Variants in UGT2B17 observed in about 807,000 individuals in gnomAD.
UGT2B17 encodes the protein UDP-glucuronosyltransferase 2B17.
UGT2B17 carries 21 observed loss-of-function variants against 48.2 expected under a neutral mutation model. The observed-to-expected ratio is 0.44, with a 90% CI of 0.31 to 0.63. The LOEUF (loss-of-function observed/expected upper bound fraction) is 0.63. UGT2B17 is among the 20% of genes least tolerant of loss of function. The pLI is 0.08. For missense variants in UGT2B17, 402 were observed against 696.1 expected, an observed-to-expected ratio of 0.58 and a Z score of 4.75; for synonymous variants, 146 against 238.4, an observed-to-expected ratio of 0.61 and a Z score of 3.57.
rs1354605341 is a variant in UGT2B17 at position 68,555,417 on chromosome 4, T to C, written c.1006-3506A>G. ...TCTAGTCCACAGGCATTAAGCTTTGTTTTGGGAAAAGACTGTTATCATTTT... is the reference window on the plus strand; with the variant it reads ...TCTAGTCCACAGGCATTAAGCTTTGCTTTGGGAAAAGACTGTTATCATTTT... On this transcript the variant is annotated intron_variant, in intron 4 of 6. Transcript: ENST00000317746. Among the ~76,000 whole-genome samples the C allele has an allele frequency of 7.1e-5, 9 of 126,578 alleles. 1 individual carries two copies. The highest frequency in any genetic ancestry group is 1.2e-4 in the Non-Finnish European group (7 of 59,518). The allele number at this position is 126,578 out of a possible 152,430, so 83.0% of individuals were successfully genotyped here.
At position 68,553,701 on chromosome 4, in the gene UGT2B17, T is replaced by C. The variant is rs1313328169; in HGVS notation, c.1006-1790A>G. The stretch of plus-strand genomic sequence containing the variant: ...TTACTGGAAGTAGTATTGACTGTTG[T>C]TATTTTTTTCCTCCTAGGAAGTTGT... On this transcript the variant is annotated intron_variant, in intron 4 of 6. Coordinates refer to ENST00000317746, the MANE Select transcript of UGT2B17 (RefSeq NM_001077.4). 1.0e-4 allele frequency among the ~76,000 whole-genome samples: 13 copies of C among 125,484 alleles called. 3 individuals are homozygous for C. The highest frequency in any genetic ancestry group is 2.5e-4 in the Admixed American group (3 of 12,138). 82.3% of individuals were successfully genotyped at this position (125,484 alleles called of 152,430 possible).
chr4:68,546,747 T>C lies in UGT2B17; in HGVS notation c.1313+3930A>G, dbSNP rs28861779. Reference sequence around the variant, plus strand: ...GCAAAGTCTCAGGATAAAAAATCAATGTGCAAAAATCACAAGCATTCTTAT... The same window carrying C: ...GCAAAGTCTCAGGATAAAAAATCAACGTGCAAAAATCACAAGCATTCTTAT... On this transcript the variant is annotated intron_variant, in intron 6 of 6. Coordinates refer to ENST00000317746, the MANE Select transcript of UGT2B17 (RefSeq NM_001077.4). Among the ~76,000 whole-genome samples, 2 of 125,434 alleles carry C rather than the reference T, an allele frequency of 1.6e-5. 1 individual carries two copies. The allele number at this position is 125,434 out of a possible 152,430, so 82.3% of individuals were successfully genotyped here.
At chr4:68,561,950 A>G (rs937007113) in intron 3 of UGT2B17, among the ~76,000 whole-genome samples, 3 of 123,272 alleles carry the variant, frequency 2.4e-5, no homozygotes, top group African/African-American at 5.5e-5. Flanking sequence ...AACCCCTTCT[A>G]TCATAACAAA....
At chr4:68,558,318 C>T (rs568280358) in intron 4 of UGT2B17, among the ~76,000 whole-genome samples, 3,035 of 123,982 alleles carry the variant, frequency 0.024, 771 homozygotes, top group South Asian at 0.066. Flanking sequence ...TTTTTCATGG[C>T]TACACGTCTT....
intron 1 of UGT2B17, among the ~76,000 whole-genome samples, chr4:68,571,176 AG>A (rs1307265043): frequency 1.6e-5 from 2 of 125,310 alleles, no homozygotes; most frequent in African/African-American, 5.5e-5. Flanking sequence ...GCGGGTCCAT[AG>A]TATTGTATGA....
rs1400843836 is a variant in UGT2B17 at position 68,546,166 on chromosome 4, A to G, written c.1313+4511T>C. On this transcript the variant is annotated intron_variant, in intron 6 of 6. Transcript: ENST00000317746. ...AATATCCCTGATGAACATCGATGCA[A>G]AAATCCTCAATAAAATACTGGCAAA... Among the ~76,000 whole-genome samples the G allele has an allele frequency of 3.2e-5, 4 of 126,314 alleles. 1 individual carries two copies. The highest frequency in any genetic ancestry group is 6.7e-5 in the Non-Finnish European group (4 of 59,626). The allele number at this position is 126,314 out of a possible 152,430, so 82.9% of individuals were successfully genotyped here.
rs1341012731 is a variant in UGT2B17, at chr4:68,564,292, A to ATT, written c.873+1279_873+1280insAA. ...AAATTTCATATATATATATATATAT[A>ATT]TATTTTTTTTTTTTGAGACAGAGTC... On this transcript the variant is annotated intron_variant, in intron 3 of 6. Coordinates refer to ENST00000317746, the MANE Select transcript of UGT2B17 (RefSeq NM_001077.4). Among the ~76,000 whole-genome samples the ATT allele has an allele frequency of 9.7e-4, 82 of 84,956 alleles. 9 individuals are homozygous for ATT. The highest frequency in any genetic ancestry group is 4.2e-3 in the African/African-American group (72 of 17,226). The allele number at this position is 84,956 out of a possible 152,430, so 55.7% of individuals were successfully genotyped here. A position where few individuals can be genotyped will look rare whatever the true frequency, so the allele number is the denominator to read the frequency against.
In UGT2B17 at chr4:68,546,175, A is replaced by G. The variant is rs1419193433; in HGVS notation, c.1313+4502T>C. 1.6e-5 allele frequency among the ~76,000 whole-genome samples: 2 copies of G among 126,282 alleles called. 1 individual carries two copies. The highest frequency in any genetic ancestry group is 3.4e-5 in the Non-Finnish European group (2 of 59,632). The allele number at this position is 126,282 out of a possible 152,430, so 82.8% of individuals were successfully genotyped here. On this transcript the variant is annotated intron_variant, in intron 6 of 6. Transcript: ENST00000317746. ...GATGAACATCGATGCAAAAATCCTC[A>G]ATAAAATACTGGCAAACTGAATCCA...
chr4:68,562,642 A>G (rs1731125291), intron 3 of UGT2B17, among the ~76,000 whole-genome samples: 1 of 126,468 alleles, frequency 7.9e-6, no homozygotes, highest in Non-Finnish European at 1.7e-5. Flanking sequence ...CGTCTTTATG[A>G]AAGCAATGGT....
chr4:68,573,124 A>G (rs1325410681), intron 1 of UGT2B17, among the ~76,000 whole-genome samples: 1 of 127,482 alleles, frequency 7.8e-6, no homozygotes, highest in Non-Finnish European at 1.7e-5. Flanking sequence ...CTTTATGTTT[A>G]GGTTTTTCCT....
chr4:68,537,398 A>T lies in UGT2B17; in HGVS notation c.*227T>A, dbSNP rs1400609420. ...GAATAATAAATTTCAATATAAGCCCATAAGGTTTTATATTATTATTTTTCA... is the reference window on the plus strand; with the variant it reads ...GAATAATAAATTTCAATATAAGCCCTTAAGGTTTTATATTATTATTTTTCA... On this transcript the variant is annotated 3_prime_UTR_variant, in exon 7 of 7. Transcript: ENST00000317746. 3.0e-6 allele frequency: 1 copy of T among 333,318 alleles called. No homozygotes were observed. Among genetic ancestry groups the T allele is most frequent in the Non-Finnish European group, 4.5e-6 (1 of 220,260 alleles). The allele number at this position is 333,318 out of a possible 1,614,324, so 20.6% of individuals were successfully genotyped here.
At chr4:68,546,806 T>C (rs1578165380) in intron 6 of UGT2B17, among the ~76,000 whole-genome samples, 2 of 124,384 alleles carry the variant, frequency 1.6e-5, no homozygotes, top group African/African-American at 5.5e-5. Context: ...AGCCAAATCA[T>C]GAGTGAACTC....
At chr4:68,570,070 C>A (rs569501516) in intron 1 of UGT2B17, among the ~76,000 whole-genome samples, 1 of 126,640 alleles carries the variant, frequency 7.9e-6, no homozygotes, top group African/African-American at 2.7e-5. Flanking sequence ...CCTCTCTGTG[C>A]ATGTGTAGCA....
intron 4 of UGT2B17, among the ~76,000 whole-genome samples, chr4:68,556,572 A>C (rs1307514893): frequency 7.9e-6 from 1 of 126,050 alleles, no homozygotes; most frequent in Non-Finnish European, 1.7e-5. Context: ...AAGACACACT[A>C]ATGCAAGACC....
At chr4:68,569,420 C>G (rs1333857992) in intron 1 of UGT2B17, among the ~76,000 whole-genome samples, 1 of 124,806 alleles carries the variant, frequency 8.0e-6, no homozygotes, top group Non-Finnish European at 1.7e-5. Context: ...AGAACCAAGC[C>G]AAGCAAAATA....
chr4:68,564,440 C>A lies in UGT2B17; in HGVS notation c.873+1132G>T, dbSNP rs1172000491. Among the ~76,000 whole-genome samples the A allele has an allele frequency of 1.7e-5, 2 of 120,322 alleles. 1 individual carries two copies. The highest frequency in any genetic ancestry group is 1.6e-3 in the East Asian group (2 of 1,220). The allele number at this position is 120,322 out of a possible 152,430, so 78.9% of individuals were successfully genotyped here. A position where few individuals can be genotyped will look rare whatever the true frequency, so the allele number is the denominator to read the frequency against. ...AGTAGCTGCTATTAGAGGTGCCTGCCAACATGCCTGACTAATTTTTGTATT... is the reference window on the plus strand; with the variant it reads ...AGTAGCTGCTATTAGAGGTGCCTGCAAACATGCCTGACTAATTTTTGTATT... On this transcript the variant is annotated intron_variant, in intron 3 of 6. Transcript: ENST00000317746.
In UGT2B17 at chr4:68,553,486, G is replaced by C. The variant is rs1287775830; in HGVS notation, c.1006-1575C>G. On this transcript the variant is annotated intron_variant, in intron 4 of 6. Transcript: ENST00000317746. ...CCACTCACCCCTTTGGGGGTGCTCT[G>C]TTTTCTTTGTGGAGTTTCAAGAGTT... 1.6e-5 allele frequency among the ~76,000 whole-genome samples: 2 copies of C among 126,214 alleles called. 1 individual carries two copies. The highest frequency in any genetic ancestry group is 3.4e-5 in the Non-Finnish European group (2 of 59,420). 82.8% of individuals were successfully genotyped at this position (126,214 alleles called of 152,430 possible). A position where few individuals can be genotyped will look rare whatever the true frequency, so the allele number is the denominator to read the frequency against.
chr4:68,567,693 T>G lies in UGT2B17; in HGVS notation c.724+68A>C. The G allele has an allele frequency of 1.9e-6, 2 of 1,081,016 alleles. 1 individual carries two copies. The highest frequency in any genetic ancestry group is 2.4e-6 in the Non-Finnish European group (2 of 830,016). 67.0% of individuals were successfully genotyped at this position (1,081,016 alleles called of 1,614,324 possible). A position where few individuals can be genotyped will look rare whatever the true frequency, so the allele number is the denominator to read the frequency against. Reference sequence around the variant, plus strand: ...ACACTATCTTCTGACATTATATTTATATAAGCCCACCTTCAAAGGCACAGG... The same window carrying G: ...ACACTATCTTCTGACATTATATTTAGATAAGCCCACCTTCAAAGGCACAGG... On this transcript the variant is annotated intron_variant, in intron 2 of 6. Transcript: ENST00000317746.
rs184959940 is a variant in UGT2B17 at position 68,561,451 on chromosome 4, A to G, written c.874-783T>C. Among the ~76,000 whole-genome samples, 347 of 124,938 alleles carry G rather than the reference A, an allele frequency of 2.8e-3. 58 individuals are homozygous for G. Among genetic ancestry groups the G allele is most frequent in the African/African-American group, 9.2e-3 (336 of 36,618 alleles). 82.0% of individuals were successfully genotyped at this position (124,938 alleles called of 152,430 possible). On this transcript the variant is annotated intron_variant, in intron 3 of 6. Coordinates refer to ENST00000317746, the MANE Select transcript of UGT2B17 (RefSeq NM_001077.4). ...ATAATTAAGTGATCTTATTTCTCAG[A>G]TCATTGTTTAGGTATGACTATGATA...
Sources: allele counts gnomAD v4.1 joint callset (sites outside exome capture counted in the v4.1 genomes callset), GRCh38; gene constraint gnomAD v4.1.1; transcripts MANE v1.5; gene names NCBI Gene and HGNC (gene_info 2026-07-23, HGNC 2026-07-21).